Variants in XKR4 observed in about 807,000 individuals in gnomAD.
XKR4 encodes the protein XK-related protein 4.
XKR4 carries 12 observed loss-of-function variants against 53.9 expected under a neutral mutation model. The observed-to-expected ratio is 0.22, with a 90% confidence interval of 0.14 to 0.36. The LOEUF (loss-of-function observed/expected upper bound fraction) is 0.36, where lower values mean the gene tolerates loss of function less well. Ranked by LOEUF, XKR4 falls within the 10% of genes least tolerant of loss-of-function variation. XKR4 has a pLI of 1.00. For synonymous variants in XKR4, 354 were observed against 362.4 expected, an observed-to-expected ratio of 0.98 and a Z score of 0.26; for missense variants, 799 against 859.5, an observed-to-expected ratio of 0.93 and a Z score of 0.88.
intron 2 of XKR4, among the ~76,000 whole-genome samples, chr8:55,490,964 C>T (rs1266269927): frequency 1.3e-5 from 2 of 151,396 alleles, no homozygotes; most frequent in Non-Finnish European, 2.9e-5. Flanking sequence ...TCCAGTTACA[C>T]AAGTGATAGA....
chr8:55,157,084 A>G (rs772677317), intron 1 of XKR4, among the ~76,000 whole-genome samples: 13 of 152,242 alleles, frequency 8.5e-5, no homozygotes, highest in Non-Finnish European at 1.5e-4. Flanking sequence ...ACAACTTTCC[A>G]TGACCCAGTT....
intron 1 of XKR4, among the ~76,000 whole-genome samples, chr8:55,199,032 T>G (rs1304340437): frequency 6.6e-6 from 1 of 152,176 alleles, no homozygotes; most frequent in Non-Finnish European, 1.5e-5. Context: ...GATTAAAAAC[T>G]TATCTCAATG....
At chr8:55,187,987 T>C (rs916089672) in intron 1 of XKR4, among the ~76,000 whole-genome samples, 2 of 152,230 alleles carry the variant, frequency 1.3e-5, no homozygotes, top group African/African-American at 4.8e-5. Flanking sequence ...TTTTTCAGAA[T>C]GTGCATCCTT....
At chr8:55,461,296 C>T (rs947366959) in intron 2 of XKR4, among the ~76,000 whole-genome samples, 3 of 152,206 alleles carry the variant, frequency 2.0e-5, no homozygotes, top group African/African-American at 7.2e-5. Context: ...AACGATCAGG[C>T]AGCAGCATTT....
intron 1 of XKR4, among the ~76,000 whole-genome samples, chr8:55,316,476 A>G (rs1051342946): frequency 6.6e-6 from 1 of 152,218 alleles, no homozygotes; most frequent in African/African-American, 2.4e-5. Flanking sequence ...TATAGCATAG[A>G]TCTATTTAGG....
At chr8:55,163,461 T>C (rs56265358) in intron 1 of XKR4, among the ~76,000 whole-genome samples, 31,163 of 152,228 alleles carry the variant, frequency 0.2, 3,338 homozygotes, top group East Asian at 0.25. Context: ...TGTAGACTTC[T>C]AAATATTCCC....
chr8:55,326,108 C>A (rs143134909), intron 1 of XKR4, among the ~76,000 whole-genome samples: 12 of 152,056 alleles, frequency 7.9e-5, no homozygotes, highest in South Asian at 2.1e-4. Flanking sequence ...TTCTGAATTG[C>A]GAATGACCTG....
rs141677771 is a variant in XKR4, at chr8:55,175,079, G to A, written c.806+71785G>A. The stretch of plus-strand genomic sequence containing the variant: ...TGTTAAATGGTATAATTCAAAATAA[G>A]ACCTCATAAGATGCTGTTGCATTTG... On this transcript the variant is annotated intron_variant, in intron 1 of 2. Transcript: ENST00000327381. 1.8e-4 allele frequency among the ~76,000 whole-genome samples: 27 copies of A among 152,266 alleles called. No homozygotes were observed. In the East Asian group the frequency reaches 3.9e-3, roughly 22 times the overall value.
At chr8:55,380,769 A>T (rs1343733807) in intron 2 of XKR4, among the ~76,000 whole-genome samples, 1 of 152,254 alleles carries the variant, frequency 6.6e-6, no homozygotes, top group African/African-American at 2.4e-5. Flanking sequence ...CTGATTTCGC[A>T]GATGTATCTT....
At chr8:55,464,063 A>T (rs1322000821) in intron 2 of XKR4, among the ~76,000 whole-genome samples, 1 of 152,196 alleles carries the variant, frequency 6.6e-6, no homozygotes, top group Admixed American at 6.5e-5. Context: ...AGAAGATGGT[A>T]CCATTCCTTC....
intron 1 of XKR4, among the ~76,000 whole-genome samples, chr8:55,284,142 TGGCCAA>T (rs1397962644): frequency 3.3e-5 from 5 of 152,208 alleles, no homozygotes; most frequent in Non-Finnish European, 7.3e-5. Context: ...GACGAGATGA[TGGCCAA>T]GGTGTTAGGT....
chr8:55,353,850 G>C (rs1803761215), intron 1 of XKR4, among the ~76,000 whole-genome samples: 1 of 152,162 alleles, frequency 6.6e-6, no homozygotes, highest in Admixed American at 6.5e-5. Context: ...AAAGAGATCT[G>C]CCCATGAAAG....
chr8:55,109,033 T>C (rs1279422403), intron 1 of XKR4, among the ~76,000 whole-genome samples: 1 of 152,168 alleles, frequency 6.6e-6, no homozygotes, highest in East Asian at 1.9e-4. Context: ...TGTTGTAACC[T>C]GGAAGAGGCA....
intron 2 of XKR4, among the ~76,000 whole-genome samples, chr8:55,447,174 G>A (rs1805359872): frequency 6.6e-6 from 1 of 152,092 alleles, no homozygotes; most frequent in Admixed American, 6.6e-5. Context: ...TGCCAGCCAA[G>A]AAACCATCAA....
At chr8:55,182,109 T>C (rs1817318230) in intron 1 of XKR4, among the ~76,000 whole-genome samples, 1 of 152,290 alleles carries the variant, frequency 6.6e-6, no homozygotes, top group East Asian at 1.9e-4. Context: ...TTTTTCGTTT[T>C]CTTATTGTTC....
intron 2 of XKR4, chr8:55,453,562 G>C: frequency 2.6e-6 from 1 of 381,668 alleles, no homozygotes; most frequent in South Asian, 2.1e-5. Context: ...GGGGCCCTGA[G>C]GGCCCTGTGG....
At chr8:55,299,852 G>A (rs959469817) in intron 1 of XKR4, among the ~76,000 whole-genome samples, 3 of 152,120 alleles carry the variant, frequency 2.0e-5, no homozygotes, top group African/African-American at 4.8e-5. Context: ...CGAGGTCTCT[G>A]TGGGACATCC....
chr8:55,161,505 A>T (rs1350716909), intron 1 of XKR4: 3 of 455,512 alleles, frequency 6.6e-6, no homozygotes, highest in Non-Finnish European at 8.8e-6. Flanking sequence ...CACCATCTGA[A>T]AAAACAGAAA....
chr8:55,219,823 C>T (rs1276544253), intron 1 of XKR4, among the ~76,000 whole-genome samples: 3 of 152,090 alleles, frequency 2.0e-5, no homozygotes, highest in Non-Finnish European at 2.9e-5. Context: ...AAACTTTTTA[C>T]ATATCTTCTG....
Sources: allele counts gnomAD v4.1 joint callset (sites outside exome capture counted in the v4.1 genomes callset), GRCh38; gene constraint gnomAD v4.1.1; transcripts MANE v1.5; gene names NCBI Gene and HGNC (gene_info 2026-07-23, HGNC 2026-07-21).